Variants in BAZ2B observed in about 807,000 individuals in gnomAD.
The protein encoded by BAZ2B is bromodomain adjacent to zinc finger domain 2B, also known as bromodomain adjacent to zinc finger domain protein 2B.
BAZ2B carries 91 observed loss-of-function variants against 246.0 expected under a neutral mutation model. The observed-to-expected ratio is 0.37, with a 90% confidence interval of 0.31 to 0.44. BAZ2B has a LOEUF of 0.44. Ranked by LOEUF, BAZ2B falls within the 20% of genes least tolerant of loss-of-function variation. The pLI is 1.00. For synonymous variants in BAZ2B, 855 were observed against 860.0 expected, an observed-to-expected ratio of 0.99 and a Z score of 0.10; for missense variants, 2,332 against 2,533.7, an observed-to-expected ratio of 0.92 and a Z score of 1.71.
At chr2:159,491,018 C>A (rs571039861) in intron 2 of BAZ2B, among the ~76,000 whole-genome samples, 6 of 152,234 alleles carry the variant, frequency 3.9e-5, no homozygotes, top group African/African-American at 1.4e-4. Flanking sequence ...TTATAAAGAT[C>A]TGCAAAAACC....
chr2:159,549,834 T>C (rs1246947354), intron 2 of BAZ2B, among the ~76,000 whole-genome samples: 1 of 150,188 alleles, frequency 6.7e-6, no homozygotes, highest in Non-Finnish European at 1.5e-5. Context: ...CTTTTTTTTT[T>C]TTTTTTTGAT....
chr2:159,687,570 G>C, the BAZ2B span, among the ~76,000 whole-genome samples: 1 of 152,216 alleles, frequency 6.6e-6, no homozygotes, highest in Non-Finnish European at 1.5e-5. Flanking sequence ...GCTCCATGGA[G>C]ACAGAAGCTC....
At chr2:159,484,509 A>G (rs576759533) in intron 2 of BAZ2B, among the ~76,000 whole-genome samples, 1 of 152,340 alleles carries the variant, frequency 6.6e-6, no homozygotes, top group East Asian at 1.9e-4. Flanking sequence ...ACATTTATCT[A>G]TAACAATTCT....
rs1487265627 is a variant in BAZ2B, at chr2:159,433,155, A to G, written c.1502T>C (p.Val501Ala). 6.2e-7 allele frequency: 1 copy of G among 1,614,188 alleles called. No homozygotes were observed. Among genetic ancestry groups the G allele is most frequent in the Admixed American group, 1.7e-5 (1 of 60,016 alleles). ...NHQPNGVIQS[V>A]IQEAPLALTT... ...AAGTGCTAGAGGAGCTTCTTGAATGACACTTTGAATAACTCCATTTGGTTG... is the reference window on the plus strand; with the variant it reads ...AAGTGCTAGAGGAGCTTCTTGAATGGCACTTTGAATAACTCCATTTGGTTG... The change falls in exon 9 of 37, where the codon GTC becomes GCC. Residue 501 changes from valine to alanine, a missense_variant. By Grantham distance (64) the Val-to-Ala change is moderately conservative. Coordinates refer to ENST00000392783, the MANE Select transcript of BAZ2B (RefSeq NM_013450.4).
the BAZ2B span, among the ~76,000 whole-genome samples, chr2:159,658,906 G>A: frequency 1.3e-5 from 2 of 152,026 alleles, no homozygotes; most frequent in African/African-American, 2.4e-5. Flanking sequence ...CTCCCGCCTC[G>A]ACCTCCCAAA....
intron 1 of BAZ2B, among the ~76,000 whole-genome samples, chr2:159,587,404 A>C (rs935571090): frequency 2.0e-5 from 3 of 151,782 alleles, no homozygotes; most frequent in Admixed American, 6.6e-5. Flanking sequence ...GCCTATCTAA[A>C]CCTCACCTTC....
intron 1 of BAZ2B, among the ~76,000 whole-genome samples, chr2:159,595,536 T>A (rs1000190269): frequency 6.6e-6 from 1 of 152,230 alleles, no homozygotes; most frequent in African/African-American, 2.4e-5. Context: ...ATTCTACTAG[T>A]CTGCTAAAAT....
In BAZ2B at chr2:159,350,448, C is replaced by A. The variant is rs2058430324; in HGVS notation, c.4214-91G>T. Reference sequence around the variant, plus strand: ...TCATTACTCTTTATCAAATTATATGCATAAATACTTAAACTTTTCTGTATT... The same window carrying A: ...TCATTACTCTTTATCAAATTATATGAATAAATACTTAAACTTTTCTGTATT... On this transcript the variant is annotated intron_variant, in intron 27 of 36. Coordinates refer to ENST00000392783, the MANE Select transcript of BAZ2B (RefSeq NM_013450.4). 1.2e-5 allele frequency: 15 copies of A among 1,235,068 alleles called. No individual in the cohort carries two copies. In the South Asian group the frequency reaches 2.6e-4, roughly 21 times the overall value. 76.5% of individuals were successfully genotyped at this position (1,235,068 alleles called of 1,614,324 possible). A position where few individuals can be genotyped will look rare whatever the true frequency, so the allele number is the denominator to read the frequency against.
rs1243706877 is a variant in BAZ2B, at chr2:159,396,587, AT to A, written c.3010-754del. On this transcript the variant is annotated intron_variant, in intron 19 of 36. Coordinates refer to ENST00000392783, the MANE Select transcript of BAZ2B (RefSeq NM_013450.4). The stretch of plus-strand genomic sequence containing the variant: ...CTCACTTTACTTTTAAAATAAAAAA[AT>A]CACTTATTTATAATATCTCATCGAT... The A allele has an allele frequency of 9.8e-5, 15 of 152,348 alleles. No homozygotes were observed. In the East Asian group the frequency reaches 2.9e-3, roughly 29 times the overall value. 9.4% of individuals were successfully genotyped at this position (152,348 alleles called of 1,614,324 possible). A position where few individuals can be genotyped will look rare whatever the true frequency, so the allele number is the denominator to read the frequency against.
chr2:159,332,258 G>A (rs1321958934), intron 34 of BAZ2B, among the ~76,000 whole-genome samples: 1 of 151,526 alleles, frequency 6.6e-6, no homozygotes, highest in Non-Finnish European at 1.5e-5. Context: ...GCAGGCTGAG[G>A]TAGGAAGATT....
At chr2:159,491,548 G>A (rs1384662970) in intron 2 of BAZ2B, among the ~76,000 whole-genome samples, 1 of 149,528 alleles carries the variant, frequency 6.7e-6, no homozygotes, top group African/African-American at 2.5e-5. Flanking sequence ...GTGAAACCCC[G>A]TCTCTACTAA....
At chr2:159,538,051 C>CA (rs1578188314) in intron 2 of BAZ2B, among the ~76,000 whole-genome samples, 1 of 152,244 alleles carries the variant, frequency 6.6e-6, no homozygotes, top group East Asian at 1.9e-4. Flanking sequence ...GGCTGCAGTG[C>CA]AGTGGCCCGA....
chr2:159,590,184 T>TGA, intron 1 of BAZ2B, among the ~76,000 whole-genome samples: 1 of 28,910 alleles, frequency 3.5e-5, no homozygotes, highest in Non-Finnish European at 5.4e-5. Context: ...CAAGACTCCA[T>TGA]CTCAAAAAAA....
chr2:159,472,163 G>A (rs1271932456), intron 3 of BAZ2B, among the ~76,000 whole-genome samples: 2 of 152,146 alleles, frequency 1.3e-5, no homozygotes, highest in Admixed American at 6.5e-5. Context: ...TCCTTGAAGA[G>A]GTCCTTCACA....
At chr2:159,668,423 T>G in the BAZ2B span, among the ~76,000 whole-genome samples, 2 of 152,186 alleles carry the variant, frequency 1.3e-5, no homozygotes, top group African/African-American at 4.8e-5. Context: ...CATCTTTCAC[T>G]GCTATGTATG....
At chr2:159,410,584 A>C (rs2066671585) in intron 14 of BAZ2B, among the ~76,000 whole-genome samples, 1 of 152,124 alleles carries the variant, frequency 6.6e-6, no homozygotes, top group South Asian at 2.1e-4. Flanking sequence ...AGCCATGCGA[A>C]ACTGTGAGTC....
chr2:159,562,060 T>C (rs1221725486), intron 1 of BAZ2B, among the ~76,000 whole-genome samples: 2 of 152,234 alleles, frequency 1.3e-5, no homozygotes, highest in Non-Finnish European at 1.5e-5. Flanking sequence ...TGTACTATTA[T>C]GACTAAAACT....
chr2:159,348,850 A>G lies in BAZ2B; in HGVS notation c.5138-17T>C. ...ACTGCATTTCTAAGTCAAGATAAATAAGTAGAACTTTTACAAATATTTTGA... is the reference window on the plus strand; with the variant it reads ...ACTGCATTTCTAAGTCAAGATAAATGAGTAGAACTTTTACAAATATTTTGA... On this transcript the variant is annotated splice_polypyrimidine_tract_variant and intron_variant, in intron 29 of 36. Coordinates refer to ENST00000392783, the MANE Select transcript of BAZ2B (RefSeq NM_013450.4). 5 of 1,579,360 alleles carry G rather than the reference A, an allele frequency of 3.2e-6. No individual in the cohort carries two copies. The highest frequency in any genetic ancestry group is 4.3e-6 in the Non-Finnish European group (5 of 1,170,566).
chr2:159,572,013 C>T (rs1305920815), intron 1 of BAZ2B, among the ~76,000 whole-genome samples: 1 of 152,096 alleles, frequency 6.6e-6, no homozygotes, highest in African/African-American at 2.4e-5. Flanking sequence ...ACATTCAAAC[C>T]ACAGCACCAG....
Sources: allele counts gnomAD v4.1 joint callset (sites outside exome capture counted in the v4.1 genomes callset), GRCh38; gene constraint gnomAD v4.1.1; transcripts MANE v1.5; gene names NCBI Gene and HGNC (gene_info 2026-07-23, HGNC 2026-07-21).